Variants in KCNG4 observed in about 807,000 individuals in gnomAD.
The protein encoded by KCNG4 is voltage-gated potassium channel regulatory subunit KCNG4.
KCNG4 carries 30 observed loss-of-function variants against 28.2 expected under a neutral mutation model. The observed-to-expected ratio is 1.06, with a 90% CI of 0.80 to 1.44. The LOEUF (loss-of-function observed/expected upper bound fraction) is 1.44, where lower values mean the gene tolerates loss of function less well. Among genes scored for constraint, KCNG4 ranks in the 40% most tolerant of loss-of-function variants. KCNG4 has a pLI of 0.00. For missense variants in KCNG4, 879 were observed against 712.3 expected, an observed-to-expected ratio of 1.23 and a Z score of -2.66; for synonymous variants, 375 against 315.5, an observed-to-expected ratio of 1.19 and a Z score of -2.00.
In KCNG4 at chr16:84,220,496, A is replaced by C. The variant is rs1377264365; in HGVS notation, c.*1721T>G. 6.6e-6 allele frequency: 1 copy of C among 152,312 alleles called. No individual in the cohort carries two copies. The highest frequency in any genetic ancestry group is 1.9e-4 in the East Asian group (1 of 5,198). The allele number at this position is 152,312 out of a possible 1,614,324, so 9.4% of individuals were successfully genotyped here. A position where few individuals can be genotyped will look rare whatever the true frequency, so the allele number is the denominator to read the frequency against. On this transcript the variant is annotated 3_prime_UTR_variant, in exon 3 of 3. Transcript: ENST00000308251. Reference sequence around the variant, plus strand: ...ATCAGTGGAGGACTATGCCTGGCACACAGCGGGAAATCGCAAAAAACTAGC... The same window carrying C: ...ATCAGTGGAGGACTATGCCTGGCACCCAGCGGGAAATCGCAAAAAACTAGC...
At chr16:84,237,832 G>A (rs554781847) in intron 1 of KCNG4, among the ~76,000 whole-genome samples, 21 of 152,264 alleles carry the variant, frequency 1.4e-4, no homozygotes, top group Admixed American at 2.0e-4. Flanking sequence ...AAGTCGGAGC[G>A]GTGCCACTTC....
At chr16:84,235,578 T>G (rs1904927308) in intron 2 of KCNG4, 1 of 152,190 alleles carries the variant, frequency 6.6e-6, no homozygotes, top group Non-Finnish European at 1.5e-5. Context: ...CAACCCATAT[T>G]TACTGGGATC....
At chr16:84,238,823 G>A (rs1905037503) in intron 1 of KCNG4, among the ~76,000 whole-genome samples, 1 of 152,046 alleles carries the variant, frequency 6.6e-6, no homozygotes, top group Non-Finnish European at 1.5e-5. Flanking sequence ...AGCCGAGATT[G>A]CGCCATTGCA....
chr16:84,236,653 T>G, intron 2 of KCNG4, 77 bp downstream of exon 2: 1 of 1,422,844 alleles, frequency 7.0e-7, no homozygotes, highest in Non-Finnish European at 9.4e-7. Context: ...TGAAGACATT[T>G]TCTTGGGCCC....
chr16:84,225,118 T>C (rs919780090), intron 2 of KCNG4, among the ~76,000 whole-genome samples: 1 of 152,254 alleles, frequency 6.6e-6, no homozygotes, highest in African/African-American at 2.4e-5. Flanking sequence ...ACATTGGTCA[T>C]GGACCACAGT....
At chr16:84,238,817 G>A (rs1397235871) in intron 1 of KCNG4, among the ~76,000 whole-genome samples, 2 of 152,080 alleles carry the variant, frequency 1.3e-5, no homozygotes, top group Non-Finnish European at 2.9e-5. Context: ...GCAGTAAGCC[G>A]AGATTGCGCC....
At position 84,222,731 on chromosome 16, in the gene KCNG4, C is replaced by A. The variant is rs200888782; in HGVS notation, c.1046G>T (p.Arg349Leu). ...LRALRILYVM[R>L]LARHSLGLQT... ...CAGCCCCAGCGAGTGGCGAGCCAGG[C>A]GCATCACGTAGAGGATGCGCAGCGC... Residue 349 changes from arginine to leucine, a missense_variant, in exon 3 of 3, where the codon CGC becomes CTC. Physicochemically the swap from Arg to Leu is moderately radical, Grantham distance 102 (BLOSUM62 -2). Coordinates refer to ENST00000308251, the MANE Select transcript of KCNG4 (RefSeq NM_172347.3). The A allele has an allele frequency of 6.2e-7, 1 of 1,612,804 alleles. No homozygotes were observed. Among genetic ancestry groups the A allele is most frequent in the Non-Finnish European group, 8.5e-7 (1 of 1,179,536 alleles).
rs866385817 is a variant in KCNG4 at position 84,236,874 on chromosome 16, C to G, written c.612G>C (p.Met204Ile). 1 of 1,613,438 alleles carries G rather than the reference C, an allele frequency of 6.2e-7. No homozygotes were observed. Among genetic ancestry groups the G allele is most frequent in the East Asian group, 2.2e-5 (1 of 44,876 alleles). Residue 204 changes from methionine (M) to isoleucine (I), a missense_variant, in exon 2 of 3, where the codon ATG becomes ATC. By Grantham distance (10) the Met-to-Ile change is conservative. Coordinates refer to ENST00000308251, the MANE Select transcript of KCNG4 (RefSeq NM_172347.3). ...ASHSSRWGLC[M>I]NRLREMVENP... ...TTTCCACCATCTCGCGCAGCCGGTT[C>G]ATGCACAGGCCCCAGCGCGAGGAGT...
intron 2 of KCNG4, among the ~76,000 whole-genome samples, chr16:84,231,946 G>C (rs1419183645): frequency 3.4e-5 from 5 of 148,272 alleles, no homozygotes; most frequent in Non-Finnish European, 7.4e-5. Flanking sequence ...GGAGGTTGCA[G>C]TGAGCTGAGA....
At chr16:84,228,957 G>A (rs1904762122) in intron 2 of KCNG4, among the ~76,000 whole-genome samples, 1 of 152,256 alleles carries the variant, frequency 6.6e-6, no homozygotes, top group African/African-American at 2.4e-5. Flanking sequence ...GGGCGGGTTG[G>A]ATGGCTGACT....
rs1904758234 is a variant in KCNG4 at position 84,228,846 on chromosome 16, A to G, written c.757-5826T>C. On this transcript the variant is annotated intron_variant, in intron 2 of 2. Coordinates refer to ENST00000308251, the MANE Select transcript of KCNG4 (RefSeq NM_172347.3). ...GATGCTGCAGTGTAGAAGCTTCCCA[A>G]ATCTACGCTGCTTCTCTTCCTCCTC... Among the ~76,000 whole-genome samples the G allele has an allele frequency of 3.3e-5, 5 of 152,120 alleles. No individual in the cohort carries two copies. In the South Asian group the frequency reaches 1.0e-3, roughly 32 times the overall value.
rs1031260985 is a variant in KCNG4, at chr16:84,239,656, C to A, written c.-41+14G>T. 1 of 152,132 alleles carries A rather than the reference C, an allele frequency of 6.6e-6. No homozygotes were observed. The highest frequency in any genetic ancestry group is 2.4e-5 in the African/African-American group (1 of 41,436). 9.4% of individuals were successfully genotyped at this position (152,132 alleles called of 1,614,324 possible). On this transcript the variant is annotated intron_variant, in intron 1 of 2. Coordinates refer to ENST00000308251, the MANE Select transcript of KCNG4 (RefSeq NM_172347.3). ...TACAGCAAGCAGTAACTCTTCCCCT[C>A]CAGTTTAACTCACCTTCTTGTCTCA...
rs939192913 is a variant in KCNG4 at position 84,239,780 on chromosome 16, A to G, written c.-151T>C. 1.3e-5 allele frequency: 2 copies of G among 150,576 alleles called. No homozygotes were observed. Among genetic ancestry groups the G allele is most frequent in the Admixed American group, 1.3e-4 (2 of 15,116 alleles). 9.3% of individuals were successfully genotyped at this position (150,576 alleles called of 1,614,324 possible). ...TTCTGGTGGAGATGAAGGGGAAGAA[A>G]AAAATCCCCAAAACAGCAGTTTCTA... On this transcript the variant is annotated 5_prime_UTR_variant, in exon 1 of 3. Transcript: ENST00000308251.
chr16:84,230,457 A>G (rs1904802080), intron 2 of KCNG4, among the ~76,000 whole-genome samples: 1 of 148,952 alleles, frequency 6.7e-6, no homozygotes, highest in Non-Finnish European at 1.5e-5. Context: ...CTGTAGTCGC[A>G]GCTACTCAGG....
chr16:84,231,304 G>A (rs1567625968), intron 2 of KCNG4, among the ~76,000 whole-genome samples: 1 of 152,194 alleles, frequency 6.6e-6, no homozygotes, highest in Admixed American at 6.5e-5. Flanking sequence ...CTCAACCCAG[G>A]ACGAGCAAAC....
In KCNG4 at chr16:84,237,351, C is replaced by G; in HGVS notation, c.135G>C (p.Arg45=). The change falls in exon 2 of 3, where the codon CGG becomes CGC. Residue 45 remains arginine (R), a synonymous_variant. Coordinates refer to ENST00000308251, the MANE Select transcript of KCNG4 (RefSeq NM_172347.3). ...GGGAGGCGTCCAGGGCACCCACCTTCCGCACCCTCCGGTAGTAAAGGCCCT... is the reference window on the plus strand; with the variant it reads ...GGGAGGCGTCCAGGGCACCCACCTTGCGCACCCTCCGGTAGTAAAGGCCCT... ...SIKGLYYRRV[R]KVGALDASPV... 1 of 1,566,910 alleles carries G rather than the reference C, an allele frequency of 6.4e-7. No homozygotes were observed. Among genetic ancestry groups the G allele is most frequent in the Non-Finnish European group, 8.6e-7 (1 of 1,157,216 alleles).
At chr16:84,231,885 T>G (rs749349644) in intron 2 of KCNG4, among the ~76,000 whole-genome samples, 17 of 151,230 alleles carry the variant, frequency 1.1e-4, no homozygotes, top group Non-Finnish European at 1.8e-4. Context: ...GTGCCTATAA[T>G]CCCAGCTACG....
chr16:84,222,473 G>A lies in KCNG4; in HGVS notation c.1304C>T (p.Ala435Val), dbSNP rs766147330. Residue 435 changes from alanine (A) to valine (V), a missense_variant, in exon 3 of 3, where the codon GCC (alanine) becomes GTC (valine). Ala to Val is a moderately conservative substitution (Grantham distance 64). Coordinates refer to ENST00000308251, the MANE Select transcript of KCNG4 (RefSeq NM_172347.3). ...GATCCCGCTCAGGATGCTGCTGAGG[G>A]CCACCATCTGGCCTGGCACACTGCG... is the stretch of plus-strand genomic sequence containing the variant. ...VPRSVPGQMVALSSILSGILI... is the reference protein window; with the variant it reads ...VPRSVPGQMVVLSSILSGILI... 1 of 1,613,946 alleles carries A rather than the reference G, an allele frequency of 6.2e-7. No homozygotes were observed.
At chr16:84,232,874 G>A (rs1052187961) in intron 2 of KCNG4, among the ~76,000 whole-genome samples, 18 of 143,374 alleles carry the variant, frequency 1.3e-4, no homozygotes, top group African/African-American at 4.0e-4. Flanking sequence ...ACTCCAGCCT[G>A]GGGGACAGAG....
Sources: gnomAD v4.1 joint callset for allele counts (sites outside exome capture counted in the v4.1 genomes callset) on GRCh38, gnomAD v4.1.1 for gene constraint, MANE v1.5 for transcripts, NCBI Gene and HGNC (gene_info 2026-07-23, HGNC 2026-07-21) for gene names.